RBM25: variants seen among roughly 807,000 people sequenced by gnomAD.
The protein encoded by RBM25 is RNA binding motif protein 25, also known as RNA-binding protein 25.
In RBM25, 19 loss-of-function variants were observed where a neutral mutation model predicts 120.7. That is an observed-to-expected ratio of 0.16 (90% confidence interval 0.11 to 0.23). The LOEUF (loss-of-function observed/expected upper bound fraction) is 0.23. RBM25 is among the 10% of genes least tolerant of loss of function. RBM25 has a pLI of 1.00. For missense variants in RBM25, 605 were observed against 1,041.5 expected, an observed-to-expected ratio of 0.58 and a Z score of 5.77; for synonymous variants, 390 against 326.7, an observed-to-expected ratio of 1.19 and a Z score of -2.09.
At chr14:73,097,212 T>TTTTTG in intron 7 of RBM25, 112 bp downstream of exon 7, 1 of 779,758 alleles carries the variant, frequency 1.3e-6, no homozygotes, top group Non-Finnish European at 1.8e-6. Context: ...TTTTTTTTTT[T>TTTTTG]TTTTTTGAGA....
chr14:73,097,298 T>C (rs1895969190), intron 7 of RBM25, among the ~76,000 whole-genome samples, 198 bp downstream of exon 7: 1 of 147,200 alleles, frequency 6.8e-6, no homozygotes, highest in Admixed American at 7.1e-5. Flanking sequence ...CCTCCGGGGT[T>C]CGAGCGATTC....
chr14:73,071,368 A>T (rs1895288374), intron 1 of RBM25, among the ~76,000 whole-genome samples: 1 of 151,924 alleles, frequency 6.6e-6, no homozygotes, highest in Non-Finnish European at 1.5e-5. Context: ...GAACCTCAAA[A>T]TTTTTTTCTT....
intron 6 of RBM25, among the ~76,000 whole-genome samples, chr14:73,093,103 G>A (rs1351598626): frequency 6.6e-6 from 1 of 152,110 alleles, no homozygotes; most frequent in Non-Finnish European, 1.5e-5. Context: ...ATATCTGCTT[G>A]TATGTCACAA....
chr14:73,103,944 TCTCTCA>T (rs1566597443), intron 10 of RBM25, among the ~76,000 whole-genome samples: 152 of 42,324 alleles, frequency 3.6e-3, no homozygotes, highest in Admixed American at 5.3e-3. Context: ...TCTCTCTCTC[TCTCTCA>T]CACACACACA....
intron 10 of RBM25, among the ~76,000 whole-genome samples, chr14:73,103,936 TCTCTCTCTCTCTCACACA>T (rs1229826910): frequency 0.02 from 988 of 49,502 alleles, 7 homozygotes; most frequent in African/African-American, 0.064. Context: ...TCTCTCTCTC[TCTCTCTCTCTCTCACACA>T]CACACACACA....
At position 73,103,497 on chromosome 14, in the gene RBM25, T is replaced by C. The variant is rs1896096604; in HGVS notation, c.1154+19T>C. ...GATCAAGGTAAGGCTTTACAGAAGT[T>C]ACTGTTTCCTGATAGCTTTAAGAAA... On this transcript the variant is annotated intron_variant, in intron 10 of 18. Coordinates refer to ENST00000261973, the MANE Select transcript of RBM25 (RefSeq NM_021239.3). 1 of 1,548,214 alleles carries C rather than the reference T, an allele frequency of 6.5e-7. No homozygotes were observed. The highest frequency in any genetic ancestry group is 8.7e-7 in the Non-Finnish European group (1 of 1,150,788).
rs1229349877 is a variant in RBM25 at position 73,079,208 on chromosome 14, A to G, written c.324+1672A>G. On this transcript the variant is annotated intron_variant, in intron 4 of 18. Coordinates refer to ENST00000261973, the MANE Select transcript of RBM25 (RefSeq NM_021239.3). The stretch of plus-strand genomic sequence containing the variant: ...GGGGCCAAGGTGAGTGGATCACTTG[A>G]GGTCAGGAGTTTGAGACCAGCCTGA... 1.3e-5 allele frequency among the ~76,000 whole-genome samples: 2 copies of G among 150,526 alleles called. 1 individual carries two copies. Among genetic ancestry groups the G allele is most frequent in the African/African-American group, 4.8e-5 (2 of 41,278 alleles).
rs375220786 is a variant in RBM25 at position 73,111,531 on chromosome 14, C to T, written c.2021C>T (p.Ala674Val). 1.4e-5 allele frequency: 22 copies of T among 1,588,388 alleles called. No individual in the cohort carries two copies. Among genetic ancestry groups the T allele is most frequent in the Non-Finnish European group, 1.9e-5 (22 of 1,170,696 alleles). Reference sequence around the variant, plus strand: ...TAAGAGAGTGTTTTTACTGTAGGTGCTTCCAATAGTCCTGGTCAGCCTAAT... The same window carrying T: ...TAAGAGAGTGTTTTTACTGTAGGTGTTTCCAATAGTCCTGGTCAGCCTAAT... ...PKIGLSLKLG[A>V]SNSPGQPNSV... The change falls in exon 16 of 19, where the codon GCT becomes GTT. Residue 674 changes from alanine (A) to valine (V), a missense_variant. This residue lies in a region of RBM25 where 465 missense variants were observed against 741.6 expected (regional missense o/e 0.63). Transcript: ENST00000261973.
chr14:73,116,179 G>A (rs1229118060), intron 18 of RBM25, among the ~76,000 whole-genome samples: 1 of 152,138 alleles, frequency 6.6e-6, no homozygotes, highest in African/African-American at 2.4e-5. Context: ...GGCTCTAGGA[G>A]ATAGAGGAGG....
Position 73,096,992 on chromosome 14 carries a change from T to A in RBM25, c.621T>A (p.Ile207=). ...AAACAAAGAGGAGAGATCAGATGATTAAAGGGGCTATTGAAGTTTTAATTC... is the reference window on the plus strand; with the variant it reads ...AAACAAAGAGGAGAGATCAGATGATAAAAGGGGCTATTGAAGTTTTAATTC... ...DEETKRRDQM[I]KGAIEVLIRE... is the part of the protein sequence containing the mutation. Residue 207 remains isoleucine (I), a synonymous_variant, in exon 7 of 19, where the codon ATT becomes ATA. Transcript: ENST00000261973. The A allele has an allele frequency of 6.2e-7, 1 of 1,613,842 alleles. No individual in the cohort carries two copies. Among genetic ancestry groups the A allele is most frequent in the Non-Finnish European group, 8.5e-7 (1 of 1,179,930 alleles).
chr14:73,107,228 A>G (rs1020423930), intron 12 of RBM25: 2 of 152,250 alleles, frequency 1.3e-5, no homozygotes, highest in Admixed American at 6.5e-5. Flanking sequence ...GAGCATATTT[A>G]TTGTAGCGTA....
In RBM25 at chr14:73,109,502, T is replaced by C. The variant is rs752668958; in HGVS notation, c.1692+10T>C. 2.4e-5 allele frequency: 38 copies of C among 1,608,350 alleles called. No individual in the cohort carries two copies. The highest frequency in any genetic ancestry group is 3.2e-5 in the Non-Finnish European group (38 of 1,177,608). ...TGCAGAGCTCCAGAGGGTAAGATAC[T>C]GTACCATCTGGTCGGGCGCGGTGGC... On this transcript the variant is annotated intron_variant, in intron 14 of 18. Coordinates refer to ENST00000261973, the MANE Select transcript of RBM25 (RefSeq NM_021239.3).
chr14:73,109,491 G>A lies in RBM25; in HGVS notation c.1691G>A (p.Arg564Lys), dbSNP rs1428197655. The change falls in exon 14 of 19, where the codon AGG becomes AAG. Residue 564 changes from arginine to lysine, a missense_variant and splice_region_variant. Coordinates refer to ENST00000261973, the MANE Select transcript of RBM25 (RefSeq NM_021239.3). ...CCAGATCCAGATGCAGAGCTCCAGA[G>A]GGTAAGATACTGTACCATCTGGTCG... ...GHPDPDAELQRMEQEAERRRQ... is the reference protein window; with the variant it reads ...GHPDPDAELQKMEQEAERRRQ... The A allele has an allele frequency of 6.2e-7, 1 of 1,613,840 alleles. No homozygotes were observed. Among genetic ancestry groups the A allele is most frequent in the Admixed American group, 1.7e-5 (1 of 59,986 alleles).
At chr14:73,059,615 T>C (rs973752483) in intron 1 of RBM25, among the ~76,000 whole-genome samples, 2 of 152,194 alleles carry the variant, frequency 1.3e-5, no homozygotes, top group Non-Finnish European at 2.9e-5. Context: ...TAGTGTGAAG[T>C]ACTCTGTGTA....
chr14:73,094,829 G>A (rs976377883), intron 6 of RBM25, among the ~76,000 whole-genome samples: 1 of 134,690 alleles, frequency 7.4e-6, no homozygotes, highest in South Asian at 2.2e-4. Context: ...GTGTGTGTGT[G>A]TGTGTGTGTG....
intron 9 of RBM25, chr14:73,100,555 G>A: frequency 4.9e-6 from 2 of 406,268 alleles, no homozygotes; most frequent in Non-Finnish European, 8.8e-6. Flanking sequence ...CTTTTGAACG[G>A]TGCAATGCAA....
intron 18 of RBM25, among the ~76,000 whole-genome samples, chr14:73,114,765 G>T (rs141663157): frequency 6.6e-6 from 1 of 152,252 alleles, no homozygotes; most frequent in African/African-American, 2.4e-5. Context: ...GTGGTGGCGT[G>T]TGCCTATAGT....
At chr14:73,077,903 T>A (rs2140432391) in intron 4 of RBM25, among the ~76,000 whole-genome samples, 1 of 152,316 alleles carries the variant, frequency 6.6e-6, no homozygotes, top group South Asian at 2.1e-4. Context: ...CTTTTGCCTG[T>A]GGTTGTCATC....
At chr14:73,106,457 T>A (rs1896190557) in intron 12 of RBM25, among the ~76,000 whole-genome samples, 172 bp downstream of exon 12, 1 of 152,168 alleles carries the variant, frequency 6.6e-6, no homozygotes, top group Non-Finnish European at 1.5e-5. Flanking sequence ...ACCAAAATCT[T>A]TTTTCCTCTT....
Sources: gnomAD v4.1 joint callset for allele counts (sites outside exome capture counted in the v4.1 genomes callset) on GRCh38, gnomAD v4.1.1 for gene constraint, gnomAD v4.1.1 regional missense constraint, MANE v1.5 for transcripts, NCBI Gene and HGNC (gene_info 2026-07-23, HGNC 2026-07-21) for gene names.